KCNA6: variants seen among roughly 807,000 people sequenced by gnomAD.
The protein encoded by KCNA6 is human brain potassium channel-2.
In KCNA6, 17 loss-of-function variants were observed where a neutral mutation model predicts 29.5. The observed-to-expected ratio is 0.58, with a 90% CI of 0.39 to 0.86. The LOEUF is 0.86. KCNA6 is among the 40% of genes least tolerant of loss of function. The pLI is 0.00. For synonymous variants in KCNA6, 296 were observed against 304.7 expected, an observed-to-expected ratio of 0.97 and a Z score of 0.30; for missense variants, 450 against 703.4, an observed-to-expected ratio of 0.64 and a Z score of 4.07.
rs553729537 is a variant in KCNA6 at position 4,811,023 on chromosome 12, G to A, written c.982G>A (p.Gly328Ser). The A allele has an allele frequency of 6.2e-7, 1 of 1,614,242 alleles. No homozygotes were observed. The highest frequency in any genetic ancestry group is 1.1e-5 in the South Asian group (1 of 91,086). The change falls in exon 1 of 1, where the codon GGC becomes AGC. Residue 328 changes from glycine to serine, a missense_variant. Coordinates refer to ENST00000280684, the Ensembl canonical transcript of KCNA6. This position sits in a 1 kb window ranked among gnomAD's most constrained non-coding sequence, Gnocchi z 7.1. ...GGAGCAGCAACCAGCCAGTGGAGGAGGCGGCCAGAATGGGCAGCAGGCCAT... is the reference window on the plus strand; with the variant it reads ...GGAGCAGCAACCAGCCAGTGGAGGAAGCGGCCAGAATGGGCAGCAGGCCAT...
At chr12:4,832,619 T>A in the KCNA6 span, among the ~76,000 whole-genome samples, 1 of 152,218 alleles carries the variant, frequency 6.6e-6, no homozygotes, top group Non-Finnish European at 1.5e-5. Context: ...ATGTGCTTCA[T>A]GCCCTAAATC....
the KCNA6 span, among the ~76,000 whole-genome samples, chr12:4,850,162 G>A: frequency 0.57 from 86,500 of 151,994 alleles, 24,988 homozygotes; most frequent in Admixed American, 0.64. This position sits in a 1 kb window ranked among gnomAD's most constrained non-coding sequence, Gnocchi z 5.4. Context: ...TAGAGGGACT[G>A]GACTCAGCAT....
At chr12:4,838,181 G>A in the KCNA6 span, among the ~76,000 whole-genome samples, 1 of 152,168 alleles carries the variant, frequency 6.6e-6, no homozygotes, top group Admixed American at 6.5e-5. Context: ...TTCCTCAGAC[G>A]TTTGGAGGGG....
the KCNA6 span, among the ~76,000 whole-genome samples, chr12:4,834,392 A>G: frequency 1.3e-5 from 2 of 152,206 alleles, no homozygotes; most frequent in African/African-American, 2.4e-5. Flanking sequence ...ATTTTTTTAA[A>G]TAGACATTGA....
the KCNA6 span, among the ~76,000 whole-genome samples, chr12:4,846,792 A>C: frequency 3.1e-4 from 7 of 22,614 alleles, no homozygotes. Flanking sequence ...TTTTTTTTTT[A>C]ATTTGAGACG....
the KCNA6 span, among the ~76,000 whole-genome samples, chr12:4,831,140 G>A: frequency 1.3e-5 from 2 of 152,216 alleles, no homozygotes; most frequent in Admixed American, 6.5e-5. Context: ...TTCCTGCCAG[G>A]TGAGAGGATT....
At chr12:4,827,206 C>CCT in the KCNA6 span, among the ~76,000 whole-genome samples, 1 of 113,826 alleles carries the variant, frequency 8.8e-6, no homozygotes, top group Non-Finnish European at 1.8e-5. Context: ...CCTTCCTTCC[C>CCT]TCCTTCCTTC....
the KCNA6 span, among the ~76,000 whole-genome samples, chr12:4,829,735 G>A: frequency 0.38 from 58,074 of 151,766 alleles, 11,631 homozygotes; most frequent in Middle Eastern, 0.45. Context: ...GTTCTTGTGT[G>A]CAGCCATAGT....
chr12:4,835,846 T>A, the KCNA6 span, among the ~76,000 whole-genome samples: 2 of 152,188 alleles, frequency 1.3e-5, no homozygotes, highest in Admixed American at 6.5e-5. Flanking sequence ...AAAAAGAACC[T>A]TCTTTCTGTT....
chr12:4,817,410 G>A (rs1004125571), downstream of KCNA6, among the ~76,000 whole-genome samples: 1 of 152,220 alleles, frequency 6.6e-6, no homozygotes, highest in Non-Finnish European at 1.5e-5. Context: ...CTGGCCTTGA[G>A]TGAGTCTCTG....
At chr12:4,828,791 C>T in the KCNA6 span, among the ~76,000 whole-genome samples, 1 of 152,230 alleles carries the variant, frequency 6.6e-6, no homozygotes, top group African/African-American at 2.4e-5. Context: ...GTGCTCTTAT[C>T]TGCTAAACTA....
chr12:4,837,909 T>C, the KCNA6 span, among the ~76,000 whole-genome samples: 2 of 151,944 alleles, frequency 1.3e-5, no homozygotes, highest in Non-Finnish European at 2.9e-5. Context: ...TGCCTGAGTG[T>C]GGGCTCTGCA....
At chr12:4,844,193 A>T in the KCNA6 span, among the ~76,000 whole-genome samples, 16 of 152,326 alleles carry the variant, frequency 1.1e-4, no homozygotes, top group South Asian at 3.1e-3. This position sits in a 1 kb window ranked among gnomAD's most constrained non-coding sequence, Gnocchi z 4.0. Flanking sequence ...CAAACAAATT[A>T]TGGATACATG....
the KCNA6 span, among the ~76,000 whole-genome samples, chr12:4,844,143 C>T: frequency 5.3e-5 from 8 of 152,228 alleles, no homozygotes; most frequent in Non-Finnish European, 1.2e-4. The surrounding 1 kb of genome is among the most constrained non-coding windows in gnomAD (Gnocchi z 4.0). Context: ...AAAGCACCTA[C>T]TATGTGCCAG....
At chr12:4,843,666 G>T in the KCNA6 span, among the ~76,000 whole-genome samples, 1 of 152,140 alleles carries the variant, frequency 6.6e-6, no homozygotes, top group Non-Finnish European at 1.5e-5. Context: ...TCTGCTTCTG[G>T]GGAGGCTTCA....
chr12:4,827,945 G>A, the KCNA6 span, among the ~76,000 whole-genome samples: 109 of 152,282 alleles, frequency 7.2e-4, no homozygotes, highest in Middle Eastern at 6.8e-3. Flanking sequence ...TGCTTCAATT[G>A]AACGCTTTAT....
the KCNA6 span, among the ~76,000 whole-genome samples, chr12:4,827,710 T>G: frequency 3.3e-5 from 5 of 152,176 alleles, no homozygotes; most frequent in Non-Finnish European, 7.3e-5. Flanking sequence ...GATGGAAAAG[T>G]GTCTAGCTCT....
chr12:4,850,821 C>T, the KCNA6 span: 249,881 of 442,738 alleles, frequency 0.56, 72,887 homozygotes, highest in Admixed American at 0.64. The surrounding 1 kb of genome is among the most constrained non-coding windows in gnomAD (Gnocchi z 5.4). Context: ...CTTCAGAAGA[C>T]GAGAACCCTG....
chr12:4,814,750 C>T (rs969648882), downstream of KCNA6: 3 of 167,024 alleles, frequency 1.8e-5, no homozygotes, highest in African/African-American at 2.4e-5. This position sits in a 1 kb window ranked among gnomAD's most constrained non-coding sequence, Gnocchi z 4.6. Flanking sequence ...CCCCAAGGAG[C>T]GAGGAGGGAC....
Sources: allele counts gnomAD v4.1 joint callset (sites outside exome capture counted in the v4.1 genomes callset), GRCh38; gene constraint gnomAD v4.1.1; non-coding constraint Gnocchi (gnomAD v3.1); transcripts MANE v1.5; gene names NCBI Gene and HGNC (gene_info 2026-07-23, HGNC 2026-07-21).